TMOD1: variants seen among roughly 807,000 people sequenced by gnomAD.
TMOD1 encodes tropomodulin 1.
TMOD1 carries 17 observed loss-of-function variants against 40.6 expected under a neutral mutation model. That is an observed-to-expected ratio of 0.42 (90% CI 0.29 to 0.63). The LOEUF is 0.63. Among genes scored for constraint, TMOD1 ranks in the 20% least tolerant of loss-of-function variants. The probability of loss-of-function intolerance (pLI) is 0.22; values close to 1 mark genes in which losing one functional copy is unlikely to be tolerated. For synonymous variants in TMOD1, 181 were observed against 175.0 expected (o/e 1.03, Z -0.27); for missense variants, 391 against 447.6 (o/e 0.87, Z 1.14).
At chr9:97,578,832 A>G (rs1004947490) in intron 8 of TMOD1, among the ~76,000 whole-genome samples, 1 of 152,296 alleles carries the variant, frequency 6.6e-6, no homozygotes, top group East Asian at 1.9e-4. Context: ...CCCTTCACTC[A>G]GGGGAGACCA....
intron 4 of TMOD1, among the ~76,000 whole-genome samples, chr9:97,560,669 G>A (rs1248303251): frequency 6.9e-6 from 1 of 144,758 alleles, no homozygotes; most frequent in Non-Finnish European, 1.5e-5. Context: ...TTTTTGTATT[G>A]TATATATATA....
In TMOD1 at chr9:97,591,287, A is replaced by G. The variant is rs752631310; in HGVS notation, c.871-4A>G. ...TTTTATTTTTTATTTTTTCTTGACT[A>G]AAGAGCCAGCCCCTGGGCAACAAAG... On this transcript the variant is annotated splice_polypyrimidine_tract_variant and splice_region_variant and intron_variant, in intron 8 of 9. Coordinates refer to ENST00000259365, the MANE Select transcript of TMOD1 (RefSeq NM_003275.4). The G allele has an allele frequency of 2.5e-6, 4 of 1,612,240 alleles. No individual in the cohort carries two copies. The highest frequency in any genetic ancestry group is 2.2e-5 in the South Asian group (2 of 90,732).
chr9:97,538,654 T>C (rs1830225465), intron 2 of TMOD1, among the ~76,000 whole-genome samples: 1 of 152,146 alleles, frequency 6.6e-6, no homozygotes, highest in Non-Finnish European at 1.5e-5. Context: ...TTCCCCTCCA[T>C]TTAGGATCTT....
rs1830643226 is a variant in TMOD1, at chr9:97,561,702, C to T, written c.398-1030C>T. Among the ~76,000 whole-genome samples the T allele has an allele frequency of 2.0e-5, 3 of 152,304 alleles. No homozygotes were observed. In the South Asian group the frequency reaches 6.2e-4, roughly 32 times the overall value. The stretch of plus-strand genomic sequence containing the variant: ...ACTGGTGTCCTGGCCTTGGCCTCTT[C>T]CTACTCTCCACCTCCCAACATGCAG... On this transcript the variant is annotated intron_variant, in intron 4 of 9. Coordinates refer to ENST00000259365, the MANE Select transcript of TMOD1 (RefSeq NM_003275.4).
At chr9:97,585,853 C>T (rs1178540487) in intron 8 of TMOD1, among the ~76,000 whole-genome samples, 2 of 137,552 alleles carry the variant, frequency 1.5e-5, no homozygotes, top group Non-Finnish European at 3.1e-5. Flanking sequence ...TTTTCAGCTC[C>T]ATCAGCTCCT....
intron 8 of TMOD1, among the ~76,000 whole-genome samples, chr9:97,577,459 A>G (rs1205789896): frequency 1.3e-5 from 2 of 152,134 alleles, no homozygotes; most frequent in Non-Finnish European, 2.9e-5. Context: ...AAAATTTCTT[A>G]ATACTTCTGT....
At chr9:97,556,774 G>C (rs1341183500) in intron 4 of TMOD1, among the ~76,000 whole-genome samples, 3 of 152,254 alleles carry the variant, frequency 2.0e-5, no homozygotes, top group African/African-American at 7.2e-5. Flanking sequence ...CTTGGGGTAG[G>C]GCTGGGGGAG....
chr9:97,554,491 G>T (rs953103061), intron 4 of TMOD1, among the ~76,000 whole-genome samples: 6 of 151,758 alleles, frequency 4.0e-5, no homozygotes, highest in Non-Finnish European at 8.8e-5. Flanking sequence ...GGCATCATTA[G>T]TGTTGTCAAG....
intron 9 of TMOD1, among the ~76,000 whole-genome samples, chr9:97,592,440 A>G (rs1030868521): frequency 9.2e-5 from 14 of 152,158 alleles, no homozygotes; most frequent in East Asian, 1.9e-4. Context: ...AAAAAAAAAA[A>G]AGAAAAGCCT....
rs190892214 is a variant in TMOD1, at chr9:97,565,469, C to T, written c.619-379C>T. ...CAGGGCCAGAGAGGGCAGGAGGCTT[C>T]CACAGAGACACCTAGCAAGTCAGGA... On this transcript the variant is annotated intron_variant, in intron 6 of 9. Transcript: ENST00000259365. 4.6e-5 allele frequency among the ~76,000 whole-genome samples: 7 copies of T among 152,196 alleles called. No individual in the cohort carries two copies. In the East Asian group the frequency reaches 1.4e-3, roughly 29 times the overall value.
Position 97,601,064 on chromosome 9 carries a change from C to G in TMOD1, c.*1366C>G, listed in dbSNP as rs1019709063. On this transcript the variant is annotated 3_prime_UTR_variant, in exon 10 of 10. Transcript: ENST00000259365. ...CTGAACTGTAAGGCAGTGGGCAGTACAGGGTAACTGGAGGCGGGGCCAGGG... is the reference window on the plus strand; with the variant it reads ...CTGAACTGTAAGGCAGTGGGCAGTAGAGGGTAACTGGAGGCGGGGCCAGGG... 1 of 1,304,028 alleles carries G rather than the reference C, an allele frequency of 7.7e-7. No homozygotes were observed. Among genetic ancestry groups the G allele is most frequent in the African/African-American group, 1.5e-5 (1 of 65,846 alleles). 80.8% of individuals were successfully genotyped at this position (1,304,028 alleles called of 1,614,324 possible). A position where few individuals can be genotyped will look rare whatever the true frequency, so the allele number is the denominator to read the frequency against.
At chr9:97,522,193 G>A (rs760293390) in intron 1 of TMOD1, among the ~76,000 whole-genome samples, 1 of 152,224 alleles carries the variant, frequency 6.6e-6, no homozygotes, top group Non-Finnish European at 1.5e-5. Context: ...AGTGTTGGAG[G>A]CTAGAAGTCT....
chr9:97,504,149 C>T (rs1047508940), intron 1 of TMOD1, among the ~76,000 whole-genome samples: 2 of 152,192 alleles, frequency 1.3e-5, no homozygotes, highest in Admixed American at 1.3e-4. Flanking sequence ...CTCGTTTTCT[C>T]CTCATACAAT....
intron 2 of TMOD1, among the ~76,000 whole-genome samples, chr9:97,528,724 T>C (rs1236674404): frequency 6.6e-6 from 1 of 152,094 alleles, no homozygotes; most frequent in African/African-American, 2.4e-5. Flanking sequence ...TGTCTGCCCC[T>C]CCCACGGCTT....
intron 2 of TMOD1, among the ~76,000 whole-genome samples, chr9:97,524,692 C>T (rs1829977705): frequency 6.6e-6 from 1 of 152,068 alleles, no homozygotes; most frequent in Non-Finnish European, 1.5e-5. Context: ...AGGCCGAAGA[C>T]CCAGGAAGAG....
Position 97,600,981 on chromosome 9 carries a change from CAAG to C in TMOD1, c.*1286_*1288del, listed in dbSNP as rs370250180. 48 of 1,205,984 alleles carry C rather than the reference CAAG, an allele frequency of 4.0e-5. No homozygotes were observed. In the African/African-American group the frequency reaches 6.9e-4, roughly 17 times the overall value. 74.7% of individuals were successfully genotyped at this position (1,205,984 alleles called of 1,614,324 possible). On this transcript the variant is annotated 3_prime_UTR_variant, in exon 10 of 10. Coordinates refer to ENST00000259365, the MANE Select transcript of TMOD1 (RefSeq NM_003275.4). Reference sequence around the variant, plus strand: ...CAAATCTCATGATAAAGGACAAGGTCAAGAACTCCAGAGCACTGAGCAGAGAGG... The same window carrying C: ...CAAATCTCATGATAAAGGACAAGGTCAACTCCAGAGCACTGAGCAGAGAGG...
In TMOD1 at chr9:97,557,970, G is replaced by A. The variant is rs899460342; in HGVS notation, c.397+4570G>A. On this transcript the variant is annotated intron_variant, in intron 4 of 9. Coordinates refer to ENST00000259365, the MANE Select transcript of TMOD1 (RefSeq NM_003275.4). This position sits in a 1 kb window ranked among gnomAD's most constrained non-coding sequence, Gnocchi z 4.4. ...CAATGTTGATGTGCCGTTTTCTCCC[G>A]TCACTCACTTCTGTTGACGTGGAGT... is the stretch of plus-strand genomic sequence containing the variant. Among the ~76,000 whole-genome samples the A allele has an allele frequency of 3.3e-5, 5 of 151,966 alleles. No homozygotes were observed. The highest frequency in any genetic ancestry group is 2.1e-4 in the South Asian group (1 of 4,824).
intron 8 of TMOD1, among the ~76,000 whole-genome samples, chr9:97,585,065 T>G (rs9696965): frequency 0.23 from 34,676 of 152,012 alleles, 4,659 homozygotes; most frequent in African/African-American, 0.38. Flanking sequence ...AGCTGGTTAT[T>G]TTGCTCGTTA....
chr9:97,576,795 A>G (rs545801543), intron 8 of TMOD1, among the ~76,000 whole-genome samples: 1 of 152,098 alleles, frequency 6.6e-6, no homozygotes, highest in Admixed American at 6.5e-5. Flanking sequence ...CACCACGTCC[A>G]GCTAATTTTT....
Sources: gnomAD v4.1 joint callset for allele counts (sites outside exome capture counted in the v4.1 genomes callset) on GRCh38, gnomAD v4.1.1 for gene constraint, Gnocchi (gnomAD v3.1) non-coding constraint, MANE v1.5 for transcripts, NCBI Gene and HGNC (gene_info 2026-07-23, HGNC 2026-07-21) for gene names.